The following DAAM2 variants were observed in gnomAD, a reference collection of about 807,000 sequenced individuals.
DAAM2 encodes the protein disheveled-associated activator of morphogenesis 2.
A neutral mutation model predicts 120.7 loss-of-function variants in DAAM2; 39 were observed. The observed-to-expected ratio is 0.32, with a 90% CI of 0.25 to 0.42. The LOEUF is 0.42. Ranked by LOEUF, DAAM2 falls within the 10% of genes least tolerant of loss-of-function variation. The pLI, the probability that DAAM2 is intolerant of heterozygous loss-of-function variation, is 1.00. For synonymous variants in DAAM2, 488 were observed against 524.9 expected (o/e 0.93, Z 0.96); for missense variants, 1,283 against 1,401.7 (o/e 0.92, Z 1.35).
chr6:39,844,896 A>G (rs905901698), intron 1 of DAAM2, among the ~76,000 whole-genome samples: 1 of 151,582 alleles, frequency 6.6e-6, no homozygotes, highest in Non-Finnish European at 1.5e-5. Context: ...GCACACATAC[A>G]TCACCTACAC....
intron 1 of DAAM2, among the ~76,000 whole-genome samples, chr6:39,799,947 A>G (rs1358415356): frequency 6.6e-6 from 1 of 152,216 alleles, no homozygotes; most frequent in African/African-American, 2.4e-5. Flanking sequence ...TTTCACTGAA[A>G]GGGAATCTTA....
intron 5 of DAAM2, among the ~76,000 whole-genome samples, chr6:39,865,995 A>G (rs1562037179): frequency 6.6e-6 from 1 of 152,224 alleles, no homozygotes; most frequent in East Asian, 1.9e-4. Flanking sequence ...CATTTACACC[A>G]TGGAAATGAG....
intron 8 of DAAM2, among the ~76,000 whole-genome samples, chr6:39,871,236 A>T (rs560968733): frequency 6.6e-6 from 1 of 152,296 alleles, no homozygotes; most frequent in South Asian, 2.1e-4. Flanking sequence ...AAGATAAGCG[A>T]GCCCAAAATG....
At chr6:39,886,600 G>C in intron 15 of DAAM2, 1 of 396,996 alleles carries the variant, frequency 2.5e-6, no homozygotes, top group Non-Finnish European at 4.4e-6. Context: ...CCCCCAAAGA[G>C]AAAGAAGAAA....
chr6:39,828,554 C>T, intron 1 of DAAM2, among the ~76,000 whole-genome samples: 1 of 149,496 alleles, frequency 6.7e-6, no homozygotes. Context: ...AGCTAATTCC[C>T]TCCACCCCCC....
chr6:39,807,285 T>A (rs1441132889), intron 1 of DAAM2, among the ~76,000 whole-genome samples: 3 of 152,108 alleles, frequency 2.0e-5, no homozygotes, highest in Admixed American at 6.6e-5. Flanking sequence ...TTAAGCAAGT[T>A]GCAGAAGGAT....
chr6:39,824,517 C>T (rs1269164495), intron 1 of DAAM2, among the ~76,000 whole-genome samples: 3 of 152,174 alleles, frequency 2.0e-5, no homozygotes, highest in African/African-American at 7.2e-5. Flanking sequence ...TTTCTAGCAG[C>T]GGTTGAAGGC....
chr6:39,850,286 T>A (rs1270943574), intron 1 of DAAM2, among the ~76,000 whole-genome samples: 1 of 152,156 alleles, frequency 6.6e-6, no homozygotes, highest in African/African-American at 2.4e-5. Context: ...CACCCTTCCT[T>A]GATTTTCTCC....
chr6:39,804,522 CTGTG>C (rs10688621), intron 1 of DAAM2, among the ~76,000 whole-genome samples: 13,728 of 149,420 alleles, frequency 0.092, 747 homozygotes, highest in Non-Finnish European at 0.12. Context: ...GAGATCAGTT[CTGTG>C]TGTGTGTGTG....
intron 1 of DAAM2, among the ~76,000 whole-genome samples, chr6:39,834,218 C>T (rs950296104): frequency 2.0e-5 from 3 of 152,058 alleles, no homozygotes; most frequent in Non-Finnish European, 4.4e-5. Context: ...AAGAGCATAC[C>T]TCTTATATTG....
chr6:39,863,056 G>T (rs1764281280), intron 3 of DAAM2, among the ~76,000 whole-genome samples: 1 of 151,884 alleles, frequency 6.6e-6, no homozygotes, highest in Admixed American at 6.6e-5. Flanking sequence ...ACCCCCCAAG[G>T]TCTGCTATGG....
chr6:39,841,452 A>T (rs1763337826), intron 1 of DAAM2, among the ~76,000 whole-genome samples: 1 of 151,928 alleles, frequency 6.6e-6, no homozygotes, highest in African/African-American at 2.4e-5. Flanking sequence ...ACATGGAGGG[A>T]TTCCTGGGAG....
intron 1 of DAAM2, among the ~76,000 whole-genome samples, chr6:39,794,133 G>C (rs1467837935): frequency 6.6e-6 from 1 of 152,222 alleles, no homozygotes; most frequent in Non-Finnish European, 1.5e-5. Flanking sequence ...GTCAACTGAA[G>C]TGTAATGAAG....
chr6:39,884,366 G>A, intron 15 of DAAM2: 2 of 281,008 alleles, frequency 7.1e-6, no homozygotes, highest in South Asian at 8.4e-5. Context: ...GTATTGAAAT[G>A]GTGTTTTGTC....
chr6:39,851,083 G>A (rs1256973851), intron 1 of DAAM2, among the ~76,000 whole-genome samples: 1 of 152,190 alleles, frequency 6.6e-6, no homozygotes, highest in Non-Finnish European at 1.5e-5. Context: ...CACCTTATAA[G>A]GTCATTGTGA....
chr6:39,857,734 G>A (rs1764062305), intron 2 of DAAM2, among the ~76,000 whole-genome samples: 1 of 152,184 alleles, frequency 6.6e-6, no homozygotes, highest in Non-Finnish European at 1.5e-5. Context: ...GGGTGAGTCA[G>A]ACAAGTCTTG....
chr6:39,862,941 C>T (rs1350257978), intron 3 of DAAM2: 1 of 151,262 alleles, frequency 6.6e-6, no homozygotes, highest in Admixed American at 6.6e-5. Flanking sequence ...CTTCCTCTGT[C>T]TATAACACCC....
chr6:39,891,626 G>A lies in DAAM2; in HGVS notation c.2253-8G>A, dbSNP rs760789291. On this transcript the variant is annotated splice_region_variant and splice_polypyrimidine_tract_variant and intron_variant, in intron 18 of 24. Transcript: ENST00000274867. ...GATACCTCAAGATATGGTTCACCTTGTCTACAGGATTGACCACTACCAGCA... is the reference window on the plus strand; with the variant it reads ...GATACCTCAAGATATGGTTCACCTTATCTACAGGATTGACCACTACCAGCA... 1 of 1,609,868 alleles carries A rather than the reference G, an allele frequency of 6.2e-7. No individual in the cohort carries two copies. The highest frequency in any genetic ancestry group is 1.3e-5 in the African/African-American group (1 of 74,948).
chr6:39,869,780 T>TTAA (rs1554181763), intron 7 of DAAM2, among the ~76,000 whole-genome samples: 179 of 99,222 alleles, frequency 1.8e-3, no homozygotes, highest in Non-Finnish European at 2.8e-3. Flanking sequence ...TTTTTTTTTT[T>TTAA]AAAAACAATT....
Sources: gnomAD v4.1 joint callset for allele counts (sites outside exome capture counted in the v4.1 genomes callset) on GRCh38, gnomAD v4.1.1 for gene constraint, MANE v1.5 for transcripts, NCBI Gene and HGNC (gene_info 2026-07-23, HGNC 2026-07-21) for gene names.